Variants in ATXN3 observed in about 807,000 individuals in gnomAD.
ATXN3 encodes the protein ataxin-3.
A neutral mutation model predicts 58.2 loss-of-function variants in ATXN3; 28 were observed. The observed-to-expected ratio is 0.48, with a 90% confidence interval of 0.36 to 0.66. ATXN3 has a LOEUF of 0.66. ATXN3 is among the 30% of genes least tolerant of loss of function. The pLI is 0.00. For missense variants in ATXN3, 321 were observed against 422.1 expected, an observed-to-expected ratio of 0.76 and a Z score of 2.10; for synonymous variants, 113 against 138.5, an observed-to-expected ratio of 0.82 and a Z score of 1.29.
rs754084606 is a variant in ATXN3, at chr14:92,070,945, C to T, written c.981G>A (p.Gly327=). The part of the protein sequence containing the change: ...ERPATSSGAL[G]SDLGDAMSEE... ...GTGAGCAGGCCTTACCTAGATCACT[C>T]CCAAGTGCTCCTGAACTGGTGGCTG... Residue 327 remains glycine (G), a synonymous_variant, in exon 10 of 11, where the codon GGG becomes GGA. Transcript: ENST00000644486. The T allele has an allele frequency of 6.3e-7, 1 of 1,580,518 alleles. No homozygotes were observed. Among genetic ancestry groups the T allele is most frequent in the South Asian group, 1.1e-5 (1 of 89,264 alleles).
At chr14:92,074,788 C>CAA (rs1450776578) in intron 9 of ATXN3, among the ~76,000 whole-genome samples, 5 of 152,182 alleles carry the variant, frequency 3.3e-5, no homozygotes, top group Non-Finnish European at 5.9e-5. Flanking sequence ...ATTAGGCAAT[C>CAA]AAACACTCAT....
chr14:92,104,019 C>T (rs2067511616), intron 1 of ATXN3, among the ~76,000 whole-genome samples: 1 of 152,004 alleles, frequency 6.6e-6, no homozygotes, highest in Non-Finnish European at 1.5e-5. Context: ...CTTGAGGACG[C>T]CCAAAAAACT....
chr14:92,104,631 A>C (rs989600484), intron 1 of ATXN3, among the ~76,000 whole-genome samples: 3 of 152,230 alleles, frequency 2.0e-5, no homozygotes, highest in Non-Finnish European at 4.4e-5. Context: ...TTGAAAATTA[A>C]TAACAAAAAT....
At chr14:92,072,100 C>T (rs1454719995) in intron 9 of ATXN3, among the ~76,000 whole-genome samples, 1 of 152,192 alleles carries the variant, frequency 6.6e-6, no homozygotes, top group African/African-American at 2.4e-5. Context: ...TTAAGTAATA[C>T]TGATTGCATT....
intron 3 of ATXN3, among the ~76,000 whole-genome samples, chr14:92,094,318 T>G (rs2064662786): frequency 6.6e-6 from 1 of 151,554 alleles, no homozygotes; most frequent in Admixed American, 6.6e-5. Flanking sequence ...ATTAGAAGAG[T>G]GCTTTTCATA....
At chr14:92,079,059 A>T (rs1279692905) in intron 9 of ATXN3, among the ~76,000 whole-genome samples, 2 of 151,880 alleles carry the variant, frequency 1.3e-5, no homozygotes, top group Non-Finnish European at 2.9e-5. Context: ...GGTGGTGTGT[A>T]CCTGTAATCC....
chr14:92,105,210 C>T (rs953478799), intron 1 of ATXN3, among the ~76,000 whole-genome samples: 6 of 152,054 alleles, frequency 3.9e-5, no homozygotes, highest in African/African-American at 1.4e-4. Context: ...TCACCTGAGT[C>T]CAGGAGTTCG....
rs148459069 is a variant in ATXN3 at position 92,049,593 on chromosome 14, G to C, written n.184+10C>G. ...AAGGGTAGCAAGAGAGGATGGAAAA[G>C]ACCGCTTACCCGATTTGAAATTCAT... On this transcript the variant is annotated intron_variant and non_coding_transcript_variant, in intron 1 of 2. Transcript: ENST00000564606. 1.9e-3 allele frequency: 331 copies of C among 174,796 alleles called. 1 individual carries two copies. Among genetic ancestry groups the C allele is most frequent in the African/African-American group, 6.8e-3 (283 of 41,906 alleles). The allele number at this position is 174,796 out of a possible 1,614,324, so 10.8% of individuals were successfully genotyped here. A position where few individuals can be genotyped will look rare whatever the true frequency, so the allele number is the denominator to read the frequency against.
intron 1 of ATXN3, among the ~76,000 whole-genome samples, chr14:92,098,600 T>A (rs1172460748): frequency 1.3e-5 from 2 of 151,812 alleles, no homozygotes; most frequent in African/African-American, 4.8e-5. Context: ...AAAATAAAAA[T>A]AAAAAAATCT....
intron 3 of ATXN3, among the ~76,000 whole-genome samples, chr14:92,095,072 C>G (rs1457739209): frequency 6.7e-6 from 1 of 148,188 alleles, no homozygotes; most frequent in Non-Finnish European, 1.5e-5. Flanking sequence ...TATATAACCA[C>G]CAAAGAATTC....
chr14:92,093,593 A>G (rs1462919031), intron 4 of ATXN3, 153 bp downstream of exon 4: 1 of 689,948 alleles, frequency 1.4e-6, no homozygotes, highest in African/African-American at 1.8e-5. Context: ...ATGCTCATGG[A>G]CATCACAAAG....
chr14:92,053,998 G>A (rs561708141), downstream of ATXN3, among the ~76,000 whole-genome samples: 2 of 151,672 alleles, frequency 1.3e-5, no homozygotes, highest in South Asian at 4.2e-4. Context: ...TGCATGGCGC[G>A]ATATCTGCTT....
rs1180877776 is a variant in ATXN3, at chr14:92,082,310, T to G, written c.765A>C (p.Leu255=). The G allele has an allele frequency of 6.2e-7, 1 of 1,613,756 alleles. No individual in the cohort carries two copies. Among genetic ancestry groups the G allele is most frequent in the Non-Finnish European group, 8.5e-7 (1 of 1,179,788 alleles). ...EEADLRRAIQ[L]SMQGSSRNIS... ...TCAGAATGTCTTTACCTTGCATACT[T>G]AGCTGAATAGCCCTGCGGAGATCTG... Residue 255 remains leucine (L), a synonymous_variant, in exon 8 of 11, where the codon CTA becomes CTC. Transcript: ENST00000644486.
At chr14:92,093,942 A>AT in intron 3 of ATXN3, 111 bp from the exon 4 acceptor site, 1 of 525,214 alleles carries the variant, frequency 1.9e-6, no homozygotes, top group Non-Finnish European at 3.3e-6. Flanking sequence ...AGAAGGCTAT[A>AT]GGTTTTTTTT....
chr14:92,090,904 A>G (rs1160482510), intron 5 of ATXN3, among the ~76,000 whole-genome samples: 1 of 150,796 alleles, frequency 6.6e-6, no homozygotes, highest in Non-Finnish European at 1.5e-5. Context: ...TTTTACCTAG[A>G]GGTGATTCCC....
chr14:92,104,743 TG>T (rs2067797378), intron 1 of ATXN3, among the ~76,000 whole-genome samples: 1 of 151,164 alleles, frequency 6.6e-6, no homozygotes, highest in East Asian at 2.0e-4. Context: ...GCCAACATGG[TG>T]AAACCCTGTC....
intron 3 of ATXN3, among the ~76,000 whole-genome samples, chr14:92,094,679 C>G (rs1340826360): frequency 6.6e-6 from 1 of 152,196 alleles, no homozygotes; most frequent in Non-Finnish European, 1.5e-5. Flanking sequence ...AATTCACTAT[C>G]TGCCCTCCAA....
chr14:92,097,231 A>ATTT lies in ATXN3; in HGVS notation c.25-396_25-394dup, dbSNP rs757477224. Among the ~76,000 whole-genome samples, 122 of 139,002 alleles carry ATTT rather than the reference A, an allele frequency of 8.8e-4. 1 individual carries two copies. Among genetic ancestry groups the ATTT allele is most frequent in the African/African-American group, 2.1e-3 (78 of 37,602 alleles). 91.2% of individuals were successfully genotyped at this position (139,002 alleles called of 152,430 possible). A position where few individuals can be genotyped will look rare whatever the true frequency, so the allele number is the denominator to read the frequency against. ...GCTCCCCTAAATAATTTAATCATTAATTTTTTTTTTTTTTGAGACAGAGTC... is the reference window on the plus strand; with the variant it reads ...GCTCCCCTAAATAATTTAATCATTAATTTTTTTTTTTTTTTTTGAGACAGAGTC... On this transcript the variant is annotated intron_variant, in intron 1 of 10. Transcript: ENST00000644486.
intron 9 of ATXN3, chr14:92,071,420 A>G: frequency 2.8e-6 from 1 of 361,890 alleles, no homozygotes; most frequent in Non-Finnish European, 5.4e-6. Flanking sequence ...ACACGGTGAA[A>G]CCCCATCTCT....
Sources: gnomAD v4.1 joint callset for allele counts (sites outside exome capture counted in the v4.1 genomes callset) on GRCh38, gnomAD v4.1.1 for gene constraint, MANE v1.5 for transcripts, NCBI Gene and HGNC (gene_info 2026-07-23, HGNC 2026-07-21) for gene names.